LCN9: variants seen among roughly 807,000 people sequenced by gnomAD.
LCN9 encodes the protein lipocalin 9.
A neutral mutation model predicts 18.5 loss-of-function variants in LCN9; 22 were observed. That is an observed-to-expected ratio of 1.19 (90% CI 0.85 to 1.70). The LOEUF is 1.70. LCN9 is among the 40% of genes most tolerant of loss of function. The pLI is 0.00. For synonymous variants in LCN9, 89 were observed against 83.0 expected, an observed-to-expected ratio of 1.07 and a Z score of -0.39; for missense variants, 202 against 201.3, an observed-to-expected ratio of 1.00 and a Z score of -0.02.
chr9:135,663,812 G>A (rs62579768), intron 1 of LCN9, among the ~76,000 whole-genome samples: 3,637 of 39,138 alleles, frequency 0.093, 104 homozygotes, highest in Non-Finnish European at 0.11. Context: ...GGGACCTGGA[G>A]GGGCAGAGGA....
chr9:135,664,630 T>A lies in LCN9; in HGVS notation c.234-92T>A. 1 of 1,163,700 alleles carries A rather than the reference T, an allele frequency of 8.6e-7. No homozygotes were observed. The highest frequency in any genetic ancestry group is 1.2e-6 in the Non-Finnish European group (1 of 832,812). The allele number at this position is 1,163,700 out of a possible 1,614,324, so 72.1% of individuals were successfully genotyped here. A position where few individuals can be genotyped will look rare whatever the true frequency, so the allele number is the denominator to read the frequency against. On this transcript the variant is annotated intron_variant, in intron 2 of 5. Coordinates refer to ENST00000619315, the Ensembl canonical transcript of LCN9. This position sits in a 1 kb window ranked among gnomAD's most constrained non-coding sequence, Gnocchi z 4.5. ...GAATGAGGCCTGGGCATTGGGAGGG[T>A]GAGCCTGTGCCCTGGAGGAGGGGTG...
chr9:135,665,415 C>T lies in LCN9; in HGVS notation c.418+60C>T, dbSNP rs940093401. 87 of 1,338,044 alleles carry T rather than the reference C, an allele frequency of 6.5e-5. No individual in the cohort carries two copies. Among genetic ancestry groups the T allele is most frequent in the Non-Finnish European group, 8.6e-5 (82 of 954,444 alleles). 82.9% of individuals were successfully genotyped at this position (1,338,044 alleles called of 1,614,324 possible). A position where few individuals can be genotyped will look rare whatever the true frequency, so the allele number is the denominator to read the frequency against. On this transcript the variant is annotated intron_variant, in intron 4 of 5. Transcript: ENST00000619315. This position sits in a 1 kb window ranked among gnomAD's most constrained non-coding sequence, Gnocchi z 5.9. ...ACCCCACCTCCTCTGAAGTCCGGCC[C>T]AACCCTGGGCGGAGGAGGGTCTCGC...
exon 6 of LCN9, among the ~76,000 whole-genome samples, chr9:135,666,794 C>T (rs1834232481): frequency 6.7e-6 from 1 of 150,170 alleles, no homozygotes; most frequent in African/African-American, 2.5e-5. Context: ...CCCCTCCCCT[C>T]GCTGACCTTC....
rs1399432996 is a variant in LCN9, at chr9:135,665,940, G to A, written c.*89G>A. On this transcript the variant is annotated 3_prime_UTR_variant, in exon 6 of 6. Coordinates refer to ENST00000619315, the Ensembl canonical transcript of LCN9. The surrounding 1 kb of genome is among the most constrained non-coding windows in gnomAD (Gnocchi z 5.9). ...TGCGACTCGGGACGGGCAGGGGGCTGGATGGGGAGAGCTTGGGGCCAACGT... is the reference window on the plus strand; with the variant it reads ...TGCGACTCGGGACGGGCAGGGGGCTAGATGGGGAGAGCTTGGGGCCAACGT... 6.2e-7 allele frequency: 1 copy of A among 1,605,312 alleles called. No homozygotes were observed. Among genetic ancestry groups the A allele is most frequent in the Non-Finnish European group, 8.5e-7 (1 of 1,177,950 alleles).
chr9:135,665,164 C>G lies in LCN9; in HGVS notation c.308-81C>G, dbSNP rs1834195385. The stretch of plus-strand genomic sequence containing the variant: ...TCAAAAGGCCACTTGACCCCCCATC[C>G]TCACTTGCGGCCACACAGCACGTGT... On this transcript the variant is annotated intron_variant, in intron 3 of 5. Transcript: ENST00000619315. The surrounding 1 kb of genome is among the most constrained non-coding windows in gnomAD (Gnocchi z 5.9). 1 of 986,170 alleles carries G rather than the reference C, an allele frequency of 1.0e-6. No homozygotes were observed. Among genetic ancestry groups the G allele is most frequent in the Non-Finnish European group, 1.6e-6 (1 of 638,184 alleles). The allele number at this position is 986,170 out of a possible 1,614,324, so 61.1% of individuals were successfully genotyped here.
chr9:135,665,193 A>G lies in LCN9; in HGVS notation c.308-52A>G. Reference sequence around the variant, plus strand: ...CTTGCGGCCACACAGCACGTGTCACAGGACCCTGAGGGTGGCGGGGCCAGG... The same window carrying G: ...CTTGCGGCCACACAGCACGTGTCACGGGACCCTGAGGGTGGCGGGGCCAGG... On this transcript the variant is annotated intron_variant, in intron 3 of 5. Transcript: ENST00000619315. This position sits in a 1 kb window ranked among gnomAD's most constrained non-coding sequence, Gnocchi z 5.9. The G allele has an allele frequency of 1.6e-6, 2 of 1,265,922 alleles. No individual in the cohort carries two copies. Among genetic ancestry groups the G allele is most frequent in the Non-Finnish European group, 2.3e-6 (2 of 887,130 alleles). The allele number at this position is 1,265,922 out of a possible 1,614,324, so 78.4% of individuals were successfully genotyped here.
chr9:135,663,375 C>A, exon 1 of LCN9: 1 of 1,613,926 alleles, frequency 6.2e-7, no homozygotes, highest in South Asian at 1.1e-5. Context: ...CCCAGGAGTT[C>A]GATCCCCACA....
chr9:135,664,190 T>C lies in LCN9; in HGVS notation c.125T>C (p.Met42Thr), dbSNP rs367863756. 5 of 1,613,628 alleles carry C rather than the reference T, an allele frequency of 3.1e-6. No individual in the cohort carries two copies. Among genetic ancestry groups the C allele is most frequent in the Admixed American group, 3.3e-5 (2 of 59,986 alleles). ...TCAGGGGTCTGGTATTCTATTTTCATGGCCTCAGATGACCTGAATCGGATT... is the reference window on the plus strand; with the variant it reads ...TCAGGGGTCTGGTATTCTATTTTCACGGCCTCAGATGACCTGAATCGGATT... The change falls in exon 2 of 6, where the codon ATG (methionine) becomes ACG (threonine). Residue 42 changes from methionine (M) to threonine (T), a missense_variant. By Grantham distance (81) the Met-to-Thr change is moderately conservative (BLOSUM62 -1). Transcript: ENST00000619315. This position sits in a 1 kb window ranked among gnomAD's most constrained non-coding sequence, Gnocchi z 4.5.
In LCN9 at chr9:135,665,492, GACAC is replaced by G; in HGVS notation, c.418+140_418+143del. On this transcript the variant is annotated intron_variant, in intron 4 of 5. Coordinates refer to ENST00000619315, the Ensembl canonical transcript of LCN9. The surrounding 1 kb of genome is among the most constrained non-coding windows in gnomAD (Gnocchi z 5.9). ...TTCCCGTTGGCTATTCCTTCCCACA[GACAC>G]ACCGTTAGGGTGCTGGGTGCTTCAA... The G allele has an allele frequency of 2.4e-6, 2 of 834,594 alleles. No homozygotes were observed. The highest frequency in any genetic ancestry group is 3.2e-5 in the South Asian group (2 of 63,350). The allele number at this position is 834,594 out of a possible 1,614,324, so 51.7% of individuals were successfully genotyped here.
chr9:135,664,354 A>G lies in LCN9; in HGVS notation c.233+56A>G, dbSNP rs1588215329. ...GAAGACCCATGCCCCTGCCACCCCA[A>G]CGCATACTCTCACTCTTGCACACAC... is the stretch of plus-strand genomic sequence containing the variant. On this transcript the variant is annotated intron_variant, in intron 2 of 5. Coordinates refer to ENST00000619315, the Ensembl canonical transcript of LCN9. This position sits in a 1 kb window ranked among gnomAD's most constrained non-coding sequence, Gnocchi z 4.5. The G allele has an allele frequency of 6.2e-6, 10 of 1,601,032 alleles. No individual in the cohort carries two copies. The highest frequency in any genetic ancestry group is 8.5e-6 in the Non-Finnish European group (10 of 1,170,648).
rs781538534 is a variant in LCN9, at chr9:135,664,770, G to A, written c.282G>A (p.Glu94=). ...TGGTCGTGGTCTGCGAGAAGACAGA[G>A]AAGAATGGGGAATACTCCATCAACT... The change falls in exon 3 of 6, where the codon GAG becomes GAA. Residue 94 remains glutamate, a synonymous_variant. Coordinates refer to ENST00000619315, the Ensembl canonical transcript of LCN9. This position sits in a 1 kb window ranked among gnomAD's most constrained non-coding sequence, Gnocchi z 4.5. 1 of 1,596,000 alleles carries A rather than the reference G, an allele frequency of 6.3e-7. No individual in the cohort carries two copies. The highest frequency in any genetic ancestry group is 8.5e-7 in the Non-Finnish European group (1 of 1,171,582).
chr9:135,664,642 C>A lies in LCN9; in HGVS notation c.234-80C>A. Reference sequence around the variant, plus strand: ...GGCATTGGGAGGGTGAGCCTGTGCCCTGGAGGAGGGGTGCTCTCTGCCATC... The same window carrying A: ...GGCATTGGGAGGGTGAGCCTGTGCCATGGAGGAGGGGTGCTCTCTGCCATC... On this transcript the variant is annotated intron_variant, in intron 2 of 5. Coordinates refer to ENST00000619315, the Ensembl canonical transcript of LCN9. This position sits in a 1 kb window ranked among gnomAD's most constrained non-coding sequence, Gnocchi z 4.5. The A allele has an allele frequency of 7.7e-7, 1 of 1,291,788 alleles. No individual in the cohort carries two copies. The highest frequency in any genetic ancestry group is 1.1e-6 in the Non-Finnish European group (1 of 942,960). The allele number at this position is 1,291,788 out of a possible 1,614,324, so 80.0% of individuals were successfully genotyped here.
rs532935331 is a variant in LCN9, at chr9:135,664,404, A to C, written c.233+106A>C. ...CACGCTCGCACACTCACTGACTTGC[A>C]CTCTGGTGAGAGCCTGAGCCTGTGC... On this transcript the variant is annotated intron_variant, in intron 2 of 5. Coordinates refer to ENST00000619315, the Ensembl canonical transcript of LCN9. The surrounding 1 kb of genome is among the most constrained non-coding windows in gnomAD (Gnocchi z 4.5). 2.1e-4 allele frequency: 307 copies of C among 1,429,964 alleles called. No homozygotes were observed. The highest frequency in any genetic ancestry group is 5.3e-4 in the Admixed American group (31 of 58,242). The allele number at this position is 1,429,964 out of a possible 1,614,324, so 88.6% of individuals were successfully genotyped here.
chr9:135,666,146 G>T, exon 6 of LCN9: 1 of 1,588,350 alleles, frequency 6.3e-7, no homozygotes, highest in Non-Finnish European at 8.5e-7. Flanking sequence ...TGAGTCTCCA[G>T]GGGCTGATGT....
In LCN9 at chr9:135,665,803, G is replaced by A. The variant is rs2119180606; in HGVS notation, c.*9+51G>A. On this transcript the variant is annotated intron_variant, in intron 5 of 5. Coordinates refer to ENST00000619315, the Ensembl canonical transcript of LCN9. The surrounding 1 kb of genome is among the most constrained non-coding windows in gnomAD (Gnocchi z 5.9). ...GCGGGAGCCGGGACAGGGTGGGGAT[G>A]GGAGGTGTGCCTGCGGGGTCCCTGT... is the stretch of plus-strand genomic sequence containing the variant. 1.2e-6 allele frequency: 2 copies of A among 1,612,088 alleles called. No homozygotes were observed. Among genetic ancestry groups the A allele is most frequent in the East Asian group, 2.2e-5 (1 of 44,808 alleles).
chr9:135,664,084 G>T lies in LCN9; in HGVS notation c.97-78G>T. ...GCCAGATGCTAAGGGGCCGGGCCCT[G>T]GGAGGGAAGACTGTGGGCGCTAAGC... On this transcript the variant is annotated intron_variant, in intron 1 of 5. Transcript: ENST00000619315. This position sits in a 1 kb window ranked among gnomAD's most constrained non-coding sequence, Gnocchi z 4.5. 6.5e-7 allele frequency: 1 copy of T among 1,527,394 alleles called. No individual in the cohort carries two copies. Among genetic ancestry groups the T allele is most frequent in the East Asian group, 2.3e-5 (1 of 43,190 alleles). The allele number at this position is 1,527,394 out of a possible 1,614,324, so 94.6% of individuals were successfully genotyped here.
chr9:135,664,625 GA>G lies in LCN9; in HGVS notation c.234-96del. The G allele has an allele frequency of 9.0e-7, 1 of 1,110,868 alleles. No homozygotes were observed. The highest frequency in any genetic ancestry group is 1.3e-6 in the Non-Finnish European group (1 of 786,064). 68.8% of individuals were successfully genotyped at this position (1,110,868 alleles called of 1,614,324 possible). ...CTGTGGAATGAGGCCTGGGCATTGG[GA>G]GGGTGAGCCTGTGCCCTGGAGGAGG... is the stretch of plus-strand genomic sequence containing the variant. On this transcript the variant is annotated intron_variant, in intron 2 of 5. Coordinates refer to ENST00000619315, the Ensembl canonical transcript of LCN9. This position sits in a 1 kb window ranked among gnomAD's most constrained non-coding sequence, Gnocchi z 4.5.
At position 135,664,031 on chromosome 9, in the gene LCN9, T is replaced by C; in HGVS notation, c.97-131T>C. On this transcript the variant is annotated intron_variant, in intron 1 of 5. Transcript: ENST00000619315. This position sits in a 1 kb window ranked among gnomAD's most constrained non-coding sequence, Gnocchi z 4.5. ...GTGACGAGGGGAGACCTGGGGGCAC[T>C]GGAAGGGCGGAGGGGTTCTGGTTGG... is the stretch of plus-strand genomic sequence containing the variant. 1.1e-6 allele frequency: 1 copy of C among 915,262 alleles called. No individual in the cohort carries two copies. 56.7% of individuals were successfully genotyped at this position (915,262 alleles called of 1,614,324 possible). A position where few individuals can be genotyped will look rare whatever the true frequency, so the allele number is the denominator to read the frequency against.
At chr9:135,663,509 A>G (rs557313817) in intron 1 of LCN9, 92 bp downstream of exon 1, 4 of 1,084,314 alleles carry the variant, frequency 3.7e-6, no homozygotes, top group African/African-American at 3.2e-5. Flanking sequence ...GACCAGGGCA[A>G]CTGGTCCAAG....
Sources: allele counts gnomAD v4.1 joint callset (sites outside exome capture counted in the v4.1 genomes callset), GRCh38; gene constraint gnomAD v4.1.1; non-coding constraint Gnocchi (gnomAD v3.1); transcripts MANE v1.5; gene names NCBI Gene and HGNC (gene_info 2026-07-23, HGNC 2026-07-21).